SMYD3: variants seen among roughly 807,000 people sequenced by gnomAD.
SMYD3 encodes the protein SET and MYND domain containing 3.
A neutral mutation model predicts 57.7 loss-of-function variants in SMYD3; 36 were observed. The observed-to-expected ratio is 0.62, with a 90% CI of 0.48 to 0.82. The LOEUF is 0.82. Ranked by LOEUF, SMYD3 falls within the 40% of genes least tolerant of loss-of-function variation. The pLI is 0.00. For synonymous variants in SMYD3, 211 were observed against 195.0 expected (o/e 1.08, Z -0.68); for missense variants, 515 against 538.8 (o/e 0.96, Z 0.44).
At chr1:245,846,130 C>T (rs1390927505) in intron 10 of SMYD3, among the ~76,000 whole-genome samples, 1 of 152,202 alleles carries the variant, frequency 6.6e-6, no homozygotes, top group African/African-American at 2.4e-5. Flanking sequence ...CCATCTGTCT[C>T]ACCACGCTGT....
At chr1:245,888,945 G>A (rs1232390901) in intron 8 of SMYD3, among the ~76,000 whole-genome samples, 1 of 152,192 alleles carries the variant, frequency 6.6e-6, no homozygotes, top group Admixed American at 6.5e-5. Flanking sequence ...CATACTCCCT[G>A]TAGCTTACCA....
At chr1:246,025,873 T>A in intron 5 of SMYD3, 1 of 152,412 alleles carries the variant, frequency 6.6e-6, no homozygotes, top group East Asian at 1.9e-4. Flanking sequence ...GGCTCATGCC[T>A]GTAATCCCAG....
intron 5 of SMYD3, among the ~76,000 whole-genome samples, chr1:246,319,074 A>G (rs2065207937): frequency 6.6e-6 from 1 of 152,242 alleles, no homozygotes; most frequent in Admixed American, 6.5e-5. Flanking sequence ...AGGTAGAGAA[A>G]TATTTCTGAG....
intron 5 of SMYD3, among the ~76,000 whole-genome samples, chr1:246,242,652 C>G (rs1193828633): frequency 6.6e-6 from 1 of 151,868 alleles, no homozygotes; most frequent in Non-Finnish European, 1.5e-5. Context: ...CACAGACTGG[C>G]AAATTGGATA....
chr1:246,179,181 C>A, intron 5 of SMYD3: 1 of 154,768 alleles, frequency 6.5e-6, no homozygotes. Flanking sequence ...TCACTGCACC[C>A]AAAGAAGAGG....
intron 8 of SMYD3, among the ~76,000 whole-genome samples, chr1:245,889,128 C>T (rs756198671): frequency 1.9e-4 from 29 of 152,100 alleles, no homozygotes; most frequent in Admixed American, 3.9e-4. Flanking sequence ...CTATAGAACT[C>T]CAAAGTTAGG....
At chr1:246,502,911 T>C (rs966179256) in intron 1 of SMYD3, among the ~76,000 whole-genome samples, 8 of 152,144 alleles carry the variant, frequency 5.3e-5, no homozygotes, top group African/African-American at 9.7e-5. Context: ...TCCTTCACAG[T>C]GGTATGAGAG....
intron 1 of SMYD3, among the ~76,000 whole-genome samples, chr1:246,366,808 G>C (rs1037129211): frequency 6.6e-6 from 1 of 151,706 alleles, no homozygotes; most frequent in Non-Finnish European, 1.5e-5. Flanking sequence ...GTGTGTGCCT[G>C]TAATCCCAGC....
intron 5 of SMYD3, among the ~76,000 whole-genome samples, chr1:245,977,471 G>A (rs545244780): frequency 1.1e-4 from 16 of 152,268 alleles, no homozygotes; most frequent in East Asian, 1.9e-4. Flanking sequence ...TTGAGGCCAC[G>A]AGCTTGAGAC....
intron 1 of SMYD3, among the ~76,000 whole-genome samples, chr1:246,364,228 A>C (rs976574708): frequency 2.0e-5 from 3 of 152,062 alleles, no homozygotes; most frequent in Admixed American, 6.5e-5. Context: ...AAGCCAAAAA[A>C]AAAAAAAAAA....
At chr1:245,774,880 T>C (rs1175305082) in intron 10 of SMYD3, among the ~76,000 whole-genome samples, 4 of 152,174 alleles carry the variant, frequency 2.6e-5, no homozygotes, top group Non-Finnish European at 5.9e-5. Flanking sequence ...TTCGTATTTT[T>C]TTGGTGGAGA....
chr1:245,940,565 A>AAAAACAAAAC (rs58286168), intron 5 of SMYD3, among the ~76,000 whole-genome samples: 26 of 149,232 alleles, frequency 1.7e-4, no homozygotes, highest in Non-Finnish European at 2.7e-4. Context: ...TGACTGTTAA[A>AAAAACAAAAC]AAAACAAAAC....
chr1:246,284,638 G>C (rs557951546), intron 5 of SMYD3, among the ~76,000 whole-genome samples: 1 of 151,888 alleles, frequency 6.6e-6, no homozygotes, highest in African/African-American at 2.4e-5. Context: ...AGATGGTCTC[G>C]ATCTCCTGAC....
chr1:246,222,401 C>G (rs1311141616), intron 5 of SMYD3, among the ~76,000 whole-genome samples: 1 of 152,060 alleles, frequency 6.6e-6, no homozygotes, highest in African/African-American at 2.4e-5. Context: ...GAAATAAGAA[C>G]AGGATTTGAG....
At chr1:246,090,519 TCTC>T (rs767354970) in intron 5 of SMYD3, among the ~76,000 whole-genome samples, 17 of 31,774 alleles carry the variant, frequency 5.4e-4, no homozygotes, top group Non-Finnish European at 1.3e-3. Flanking sequence ...TCTTTCTCTC[TCTC>T]TTTTTTTTTT....
At chr1:246,373,605 T>C (rs533287777) in intron 1 of SMYD3, among the ~76,000 whole-genome samples, 7 of 152,222 alleles carry the variant, frequency 4.6e-5, no homozygotes, top group African/African-American at 1.7e-4. Context: ...TCTTCCACAA[T>C]ATAAAAAGCA....
chr1:245,790,983 T>A (rs1572343292), intron 10 of SMYD3, among the ~76,000 whole-genome samples: 1 of 152,224 alleles, frequency 6.6e-6, no homozygotes, highest in Non-Finnish European at 1.5e-5. Flanking sequence ...TGACCCTTTT[T>A]TGTGACTGTG....
intron 1 of SMYD3, among the ~76,000 whole-genome samples, chr1:246,362,762 T>C (rs1558424589): frequency 1.3e-5 from 2 of 152,222 alleles, no homozygotes; most frequent in Non-Finnish European, 2.9e-5. Context: ...GTTCACTCAG[T>C]GGTCAATGGT....
At chr1:245,781,129 T>A (rs990206536) in intron 10 of SMYD3, among the ~76,000 whole-genome samples, 3 of 152,212 alleles carry the variant, frequency 2.0e-5, no homozygotes, top group Non-Finnish European at 2.9e-5. Context: ...CAGGAAAACT[T>A]TGGAGATACT....
Sources: gnomAD v4.1 joint callset for allele counts (sites outside exome capture counted in the v4.1 genomes callset) on GRCh38, gnomAD v4.1.1 for gene constraint, MANE v1.5 for transcripts, NCBI Gene and HGNC (gene_info 2026-07-23, HGNC 2026-07-21) for gene names.